CFAP43: variants seen among roughly 807,000 people sequenced by gnomAD.
The protein encoded by CFAP43 is cilia and flagella associated protein 43, also known as cilia- and flagella-associated protein 43.
A neutral mutation model predicts 218.9 loss-of-function variants in CFAP43; 155 were observed. The observed-to-expected ratio is 0.71, with a 90% CI of 0.62 to 0.81. The LOEUF is 0.81. Among genes scored for constraint, CFAP43 ranks in the 30% least tolerant of loss-of-function variants. The pLI, the probability that CFAP43 is intolerant of heterozygous loss-of-function variation, is 0.00. For missense variants in CFAP43, 1,778 were observed against 1,954.3 expected, an observed-to-expected ratio of 0.91 and a Z score of 1.70; for synonymous variants, 645 against 681.3, an observed-to-expected ratio of 0.95 and a Z score of 0.83.
chr10:104,184,990 G>C, intron 16 of CFAP43, 26 bp downstream of exon 16: 1 of 1,612,102 alleles, frequency 6.2e-7, no homozygotes. Flanking sequence ...TACTACATGG[G>C]GTTACTTACT....
At chr10:104,175,521 TATC>T (rs980679184) in intron 19 of CFAP43, among the ~76,000 whole-genome samples, 1 of 152,162 alleles carries the variant, frequency 6.6e-6, no homozygotes, top group African/African-American at 2.4e-5. Flanking sequence ...AAGATGAAAA[TATC>T]ATGTCAAAAG....
At chr10:104,211,138 C>G (rs546333783) in intron 5 of CFAP43, among the ~76,000 whole-genome samples, 1 of 152,110 alleles carries the variant, frequency 6.6e-6, no homozygotes, top group Non-Finnish European at 1.5e-5. Flanking sequence ...CCCCAGAGGC[C>G]TTCCTTAACC....
chr10:104,179,946 GAA>G lies in CFAP43; in HGVS notation c.2290-16_2290-15del, dbSNP rs1467854240. The G allele has an allele frequency of 6.3e-7, 1 of 1,598,848 alleles. No homozygotes were observed. Among genetic ancestry groups the G allele is most frequent in the South Asian group, 1.1e-5 (1 of 89,762 alleles). Reference sequence around the variant, plus strand: ...TGCCTTCTGTTTCTGATACATGGTAGAAAAAGACAGACATGTCTTAAAGTTAA... The same window carrying G: ...TGCCTTCTGTTTCTGATACATGGTAGAAAGACAGACATGTCTTAAAGTTAA... On this transcript the variant is annotated splice_polypyrimidine_tract_variant and intron_variant, in intron 17 of 37. Coordinates refer to ENST00000357060, the MANE Select transcript of CFAP43 (RefSeq NM_025145.7).
Position 104,130,281 on chromosome 10 carries a change from A to G in CFAP43, c.4856T>C (p.Ile1619Thr), listed in dbSNP as rs377140848. 3.7e-6 allele frequency: 6 copies of G among 1,611,276 alleles called. No individual in the cohort carries two copies. The highest frequency in any genetic ancestry group is 1.6e-4 in the Middle Eastern group (1 of 6,076). ...CATGTTTTCATACCGTTCTTTGACA[A>G]TCTTTTCACAAGTCAGTTTAGACCC... ...AMGSKLTCEK[I>T]VKERYENMMQ... is the part of the protein sequence containing the mutation. The change falls in exon 38 of 38, where the codon ATT becomes ACT. Residue 1619 changes from isoleucine (I) to threonine (T), a missense_variant. Coordinates refer to ENST00000357060, the MANE Select transcript of CFAP43 (RefSeq NM_025145.7).
intron 8 of CFAP43, among the ~76,000 whole-genome samples, chr10:104,200,111 T>C (rs2090489237): frequency 6.6e-6 from 1 of 152,162 alleles, no homozygotes; most frequent in African/African-American, 2.4e-5. Flanking sequence ...CAGAGGAAGG[T>C]CTTCAGGACT....
At chr10:104,166,401 A>C in intron 23 of CFAP43, 87 bp downstream of exon 23, 1 of 917,002 alleles carries the variant, frequency 1.1e-6, no homozygotes, top group East Asian at 2.6e-5. Flanking sequence ...TCATCATTTG[A>C]TTGGCATTTG....
At chr10:104,186,373 A>T (rs942966129) in intron 14 of CFAP43, among the ~76,000 whole-genome samples, 2 of 152,212 alleles carry the variant, frequency 1.3e-5, no homozygotes, top group Non-Finnish European at 2.9e-5. Context: ...TTTACTTGCC[A>T]TTAAAAATCC....
Position 104,161,997 on chromosome 10 carries a change from T to C in CFAP43, c.3378A>G (p.Gly1126=). The C allele has an allele frequency of 2.5e-6, 4 of 1,613,752 alleles. No homozygotes were observed. Among genetic ancestry groups the C allele is most frequent in the Non-Finnish European group, 3.4e-6 (4 of 1,179,920 alleles). Residue 1126 remains glycine, a synonymous_variant, in exon 26 of 38, where the codon GGA becomes GGG. Transcript: ENST00000357060. ...TATCTTCCTTCTTGACTTCCAGAACTCCTCCCATCATGTCCATCAGAGCTC... is the reference window on the plus strand; with the variant it reads ...TATCTTCCTTCTTGACTTCCAGAACCCCTCCCATCATGTCCATCAGAGCTC... ...RLRALMDMMG[G]VLEVKKEDIL...
chr10:104,189,582 T>C (rs913363144), intron 12 of CFAP43, among the ~76,000 whole-genome samples: 7 of 152,316 alleles, frequency 4.6e-5, no homozygotes, highest in Non-Finnish European at 5.9e-5. Context: ...CCCAGTTCTC[T>C]TATTACTCTG....
chr10:104,165,885 T>G (rs2089127562), intron 23 of CFAP43, among the ~76,000 whole-genome samples: 1 of 152,192 alleles, frequency 6.6e-6, no homozygotes, highest in South Asian at 2.1e-4. Context: ...TAGTGTTTTC[T>G]TTTCTCTTTG....
chr10:104,170,957 C>G (rs1423851131), intron 20 of CFAP43, among the ~76,000 whole-genome samples: 1 of 152,164 alleles, frequency 6.6e-6, no homozygotes, highest in Non-Finnish European at 1.5e-5. Flanking sequence ...GCCATTTCTG[C>G]CTGTGGGCCT....
intron 27 of CFAP43, among the ~76,000 whole-genome samples, chr10:104,155,914 T>C (rs1170130864): frequency 1.4e-5 from 2 of 145,196 alleles, no homozygotes; most frequent in African/African-American, 5.1e-5. Context: ...ATATAGGGAT[T>C]GGGGGAGGAG....
chr10:104,143,952 C>T (rs183222054), intron 31 of CFAP43, among the ~76,000 whole-genome samples: 4 of 152,314 alleles, frequency 2.6e-5, no homozygotes, highest in African/African-American at 9.6e-5. Context: ...ATCAACCCAT[C>T]GTTTCACCTC....
Position 104,156,119 on chromosome 10 carries a change from T to C in CFAP43, c.3541-3393A>G, listed in dbSNP as rs1564731736. Among the ~76,000 whole-genome samples the C allele has an allele frequency of 3.9e-5, 6 of 152,134 alleles. No individual in the cohort carries two copies. In the South Asian group the frequency reaches 1.2e-3, roughly 32 times the overall value. On this transcript the variant is annotated intron_variant, in intron 27 of 37. Coordinates refer to ENST00000357060, the MANE Select transcript of CFAP43 (RefSeq NM_025145.7). ...GGCAACTCGAAAGAGGAAAGTGCCCTGTGGAGACTTGGGAGTAAAGGGAAA... is the reference window on the plus strand; with the variant it reads ...GGCAACTCGAAAGAGGAAAGTGCCCCGTGGAGACTTGGGAGTAAAGGGAAA...
At chr10:104,193,723 T>A (rs2090299193) in intron 11 of CFAP43, 143 bp downstream of exon 11, 1 of 1,165,138 alleles carries the variant, frequency 8.6e-7, no homozygotes, top group African/African-American at 1.6e-5. Context: ...CTGTACCTTT[T>A]GAGTGTTGAA....
chr10:104,167,530 C>A, intron 22 of CFAP43, 91 bp downstream of exon 22: 1 of 939,954 alleles, frequency 1.1e-6, no homozygotes, highest in Non-Finnish European at 1.5e-6. Flanking sequence ...AATACCTAAA[C>A]TTAAATTACA....
intron 23 of CFAP43, among the ~76,000 whole-genome samples, chr10:104,164,725 A>G (rs192624680): frequency 6.6e-6 from 1 of 152,326 alleles, no homozygotes; most frequent in African/African-American, 2.4e-5. Flanking sequence ...AGAAGGTAAA[A>G]TGAATCTTTC....
At chr10:104,218,370 A>T (rs1356247181) in intron 3 of CFAP43, among the ~76,000 whole-genome samples, 7 of 146,670 alleles carry the variant, frequency 4.8e-5, no homozygotes, top group Non-Finnish European at 1.1e-4. Flanking sequence ...AAAAAAAAAA[A>T]GGAAAGAAAT....
intron 3 of CFAP43, among the ~76,000 whole-genome samples, chr10:104,225,234 A>G (rs2091278938): frequency 6.6e-6 from 1 of 152,216 alleles, no homozygotes; most frequent in South Asian, 2.1e-4. Flanking sequence ...AAAGCATGTT[A>G]ATGAAAGAGA....
Sources: allele counts gnomAD v4.1 joint callset (sites outside exome capture counted in the v4.1 genomes callset), GRCh38; gene constraint gnomAD v4.1.1; transcripts MANE v1.5; gene names NCBI Gene and HGNC (gene_info 2026-07-23, HGNC 2026-07-21).